The following SBNO1 variants were observed in gnomAD, a reference collection of about 807,000 sequenced individuals.
The protein encoded by SBNO1 is protein strawberry notch homolog 1.
In SBNO1, 23 loss-of-function variants were observed where a neutral mutation model predicts 173.6. That is an observed-to-expected ratio of 0.13 (90% CI 0.10 to 0.19). The LOEUF (loss-of-function observed/expected upper bound fraction) is 0.19, where lower values mean the gene tolerates loss of function less well. SBNO1 is among the 10% of genes least tolerant of loss of function. The pLI, the probability that SBNO1 is intolerant of heterozygous loss-of-function variation, is 1.00. For missense variants in SBNO1, 1,238 were observed against 1,671.2 expected, an observed-to-expected ratio of 0.74 and a Z score of 4.52; for synonymous variants, 632 against 571.5, an observed-to-expected ratio of 1.11 and a Z score of -1.51.
intron 23 of SBNO1, among the ~76,000 whole-genome samples, chr12:123,314,383 G>A (rs1385581141): frequency 1.3e-5 from 2 of 151,570 alleles, no homozygotes; most frequent in African/African-American, 2.4e-5. Context: ...AGGCTGGAGT[G>A]CAGTGGTGTA....
intron 21 of SBNO1, among the ~76,000 whole-genome samples, chr12:123,316,173 A>T (rs748123891): frequency 2.0e-5 from 3 of 152,196 alleles, no homozygotes; most frequent in Admixed American, 6.5e-5. Flanking sequence ...TATATATATA[A>T]CACTCCTTAA....
intron 13 of SBNO1, 78 bp from the exon 14 acceptor site, chr12:123,326,412 A>C: frequency 1.1e-6 from 1 of 892,594 alleles, no homozygotes; most frequent in Non-Finnish European, 1.6e-6. Context: ...AATCAAAACA[A>C]TGTTAAGTGC....
rs905952126 is a variant in SBNO1, at chr12:123,358,931, A to C, written c.-1+5770T>G. Reference sequence around the variant, plus strand: ...GCAGGGTGTCAAATCAATTTGGTGTATCAGGTTTTGTTTTGTTTTGAGATG... The same window carrying C: ...GCAGGGTGTCAAATCAATTTGGTGTCTCAGGTTTTGTTTTGTTTTGAGATG... On this transcript the variant is annotated intron_variant, in intron 1 of 31. Transcript: ENST00000602398. Among the ~76,000 whole-genome samples the C allele has an allele frequency of 2.6e-5, 4 of 151,738 alleles. 1 individual carries two copies. The highest frequency in any genetic ancestry group is 9.7e-5 in the African/African-American group (4 of 41,328).
intron 1 of SBNO1, among the ~76,000 whole-genome samples, chr12:123,355,502 G>A (rs1158651533): frequency 6.6e-6 from 1 of 152,060 alleles, no homozygotes; most frequent in Non-Finnish European, 1.5e-5. Context: ...TTCTCAGGAG[G>A]CTGAGGCAGG....
chr12:123,347,073 G>A lies in SBNO1; in HGVS notation c.237+956C>T, dbSNP rs185101370. Among the ~76,000 whole-genome samples, 306 of 93,938 alleles carry A rather than the reference G, an allele frequency of 3.3e-3. 1 individual carries two copies. The highest frequency in any genetic ancestry group is 0.012 in the Middle Eastern group (2 of 166). The allele number at this position is 93,938 out of a possible 152,430, so 61.6% of individuals were successfully genotyped here. On this transcript the variant is annotated intron_variant, in intron 3 of 31. Coordinates refer to ENST00000602398, the MANE Select transcript of SBNO1 (RefSeq NM_001167856.3). The stretch of plus-strand genomic sequence containing the variant: ...AGCCTGGGCGACAAAGCGAGTCTCC[G>A]TCTCAAAAAAAAAAAAAAAGAAACA...
chr12:123,327,109 G>A lies in SBNO1; in HGVS notation c.1692+317C>T, dbSNP rs1288891961. Among the ~76,000 whole-genome samples, 6 of 152,084 alleles carry A rather than the reference G, an allele frequency of 3.9e-5. No individual in the cohort carries two copies. The South Asian group carries it at 8.3e-4, about 21-fold the overall frequency. On this transcript the variant is annotated intron_variant, in intron 13 of 31. Transcript: ENST00000602398. ...CAACCTCCGCCTCCTGGGTTCAAGC[G>A]ATTCTCCTGCCTCAGCCTCCCCAAG...
intron 4 of SBNO1, among the ~76,000 whole-genome samples, chr12:123,343,736 C>A (rs1872804149): frequency 6.6e-6 from 1 of 152,034 alleles, no homozygotes; most frequent in South Asian, 2.1e-4. Context: ...TGGAGTTTCA[C>A]CATCTTGGCC....
chr12:123,320,841 G>C lies in SBNO1; in HGVS notation c.2349C>G (p.His783Gln), dbSNP rs1298595654. Residue 783 changes from histidine to glutamine, a missense_variant, in exon 18 of 32, where the codon CAC becomes CAG. Transcript: ENST00000602398. The stretch of plus-strand genomic sequence containing the variant: ...TCTTTTTTTTCTCTTTGTTTTTCTT[G>C]TGGTCTTTTCTAATTAACCAGGGAT... ...ENDPWLIRKD[H>Q]KKNKEKKKKK... The C allele has an allele frequency of 1.3e-6, 2 of 1,587,696 alleles. No individual in the cohort carries two copies. Among genetic ancestry groups the C allele is most frequent in the Admixed American group, 3.6e-5 (2 of 54,848 alleles).
intron 17 of SBNO1, 55 bp from the exon 18 acceptor site, chr12:123,320,921 C>G (rs1050096606): frequency 7.5e-7 from 1 of 1,340,386 alleles, no homozygotes; most frequent in Non-Finnish European, 1.0e-6. Flanking sequence ...AGTACAGAAT[C>G]TTCAAAGGAA....
chr12:123,296,500 GC>G (rs1209182282), intron 31 of SBNO1, among the ~76,000 whole-genome samples: 6 of 151,956 alleles, frequency 3.9e-5, no homozygotes, highest in African/African-American at 1.5e-4. Context: ...TTTAAGTCCT[GC>G]ATGTAGGATT....
intron 13 of SBNO1, among the ~76,000 whole-genome samples, chr12:123,326,736 G>C (rs532163125): frequency 2.0e-5 from 3 of 152,116 alleles, no homozygotes; most frequent in African/African-American, 7.2e-5. Flanking sequence ...GATCAGGCTG[G>C]GCAACACTGT....
Position 123,313,646 on chromosome 12 carries a change from G to C in SBNO1, c.3194C>G (p.Pro1065Arg), listed in dbSNP as rs756465748. 6.3e-7 allele frequency: 1 copy of C among 1,597,966 alleles called. No individual in the cohort carries two copies. The highest frequency in any genetic ancestry group is 1.1e-5 in the South Asian group (1 of 90,554). ...NLDSPMVSPP[P>R]DYPGEFFKDV... is the part of the protein sequence containing the mutation. ...TTTAAAAAATTCTCCAGGATAGTCT[G>C]GAGGTGGTGATACCATAGGAGAATC... is the stretch of plus-strand genomic sequence containing the variant. Residue 1065 changes from proline to arginine, a missense_variant, in exon 24 of 32, where the codon CCA becomes CGA. Pro to Arg is a moderately radical substitution (Grantham distance 103). Around this residue, in one of 14 missense-constraint regions of SBNO1, gnomAD observed 351 missense variants for 420.3 expected, o/e 0.84. Transcript: ENST00000602398.
At chr12:123,320,320 G>A in intron 19 of SBNO1, 112 bp downstream of exon 19, 3 of 1,087,196 alleles carry the variant, frequency 2.8e-6, no homozygotes, top group Non-Finnish European at 4.0e-6. Flanking sequence ...AGTAGAACAA[G>A]AATTCTATGA....
chr12:123,301,862 T>C (rs542134668), intron 30 of SBNO1, among the ~76,000 whole-genome samples: 310 of 151,956 alleles, frequency 2.0e-3, no homozygotes, highest in Middle Eastern at 6.8e-3. Flanking sequence ...CTAGGTGATA[T>C]AGGGAGACTG....
At chr12:123,326,084 A>G (rs1368578009) in intron 14 of SBNO1, 68 bp downstream of exon 14, 2 of 1,083,010 alleles carry the variant, frequency 1.8e-6, no homozygotes, top group Non-Finnish European at 2.5e-6. Flanking sequence ...CAAGCAGAAA[A>G]CCTCAGCACC....
At chr12:123,332,731 TA>T (rs1441737258) in intron 7 of SBNO1, among the ~76,000 whole-genome samples, 1 of 151,872 alleles carries the variant, frequency 6.6e-6, no homozygotes, top group African/African-American at 2.4e-5. Context: ...CATGCCTGGC[TA>T]ATTTTTGTAT....
rs756176021 is a variant in SBNO1 at position 123,292,726 on chromosome 12, ACTACATTG to A, written c.*3174_*3181del. The stretch of plus-strand genomic sequence containing the variant: ...TAAATATATATAGATACATACACAC[ACTACATTG>A]CTTTGGATGCAGGTTCTTACTAATT... On this transcript the variant is annotated 3_prime_UTR_variant, in exon 32 of 32. Transcript: ENST00000602398. 5 of 152,158 alleles carry A rather than the reference ACTACATTG, an allele frequency of 3.3e-5. No individual in the cohort carries two copies. Among genetic ancestry groups the A allele is most frequent in the Non-Finnish European group, 7.4e-5 (5 of 68,012 alleles). 9.4% of individuals were successfully genotyped at this position (152,158 alleles called of 1,614,324 possible).
intron 28 of SBNO1, among the ~76,000 whole-genome samples, chr12:123,306,643 A>C (rs1388676714): frequency 6.6e-6 from 1 of 152,178 alleles, no homozygotes; most frequent in East Asian, 1.9e-4. Flanking sequence ...GATCAAGCCC[A>C]GGAGGAGTTC....
chr12:123,333,989 G>T (rs1043474874), intron 7 of SBNO1, 64 bp downstream of exon 7: 1 of 1,083,710 alleles, frequency 9.2e-7, no homozygotes, highest in South Asian at 2.1e-5. Flanking sequence ...CCTTTAGATT[G>T]AAACAACTCT....
Sources: gnomAD v4.1 joint callset for allele counts (sites outside exome capture counted in the v4.1 genomes callset) on GRCh38, gnomAD v4.1.1 for gene constraint, gnomAD v4.1.1 regional missense constraint, MANE v1.5 for transcripts, NCBI Gene and HGNC (gene_info 2026-07-23, HGNC 2026-07-21) for gene names.